Variants in RNF17 observed in about 807,000 individuals in gnomAD.
The protein encoded by RNF17 is ring finger protein 17.
RNF17 carries 31 observed loss-of-function variants against 200.5 expected under a neutral mutation model. The ratio of observed to expected loss-of-function variants is 0.15; its 90% CI spans 0.12 to 0.21. RNF17 has a LOEUF of 0.21. Among genes scored for constraint, RNF17 ranks in the 10% least tolerant of loss-of-function variants. RNF17 has a pLI of 1.00. For missense variants in RNF17, 1,628 were observed against 1,905.1 expected, an observed-to-expected ratio of 0.85 and a Z score of 2.71; for synonymous variants, 606 against 637.8, an observed-to-expected ratio of 0.95 and a Z score of 0.75.
intron 22 of RNF17, among the ~76,000 whole-genome samples, chr13:24,845,326 C>A (rs1891140455): frequency 1.3e-5 from 2 of 152,068 alleles, no homozygotes; most frequent in Admixed American, 6.6e-5. Flanking sequence ...TGAGGAACAA[C>A]AAACACAGAA....
the RNF17 span, among the ~76,000 whole-genome samples, chr13:24,749,399 G>A: frequency 7.0e-6 from 1 of 143,022 alleles, no homozygotes; most frequent in Admixed American, 7.8e-5. Context: ...CCCCTCCCGG[G>A]TTCAAGCAAT....
At chr13:24,764,888 G>GGTGTGTGTGT (rs57755622) in intron 1 of RNF17, among the ~76,000 whole-genome samples, 15 of 134,174 alleles carry the variant, frequency 1.1e-4, no homozygotes, top group Non-Finnish European at 1.8e-4. Context: ...CACCTTGTGG[G>GGTGTGTGTGT]GTGTGTGTGT....
chr13:24,818,286 G>A lies in RNF17; in HGVS notation c.2092-7333G>A, dbSNP rs567741261. On this transcript the variant is annotated intron_variant, in intron 15 of 35. Transcript: ENST00000255324. ...TTGAAATGTATTAAGACATTTTGCA[G>A]CCTAACATATGGTCTATTCTGAGAA... 1.1e-3 allele frequency among the ~76,000 whole-genome samples: 170 copies of A among 152,134 alleles called. 5 individuals carry two copies. The South Asian group carries it at 0.035, about 31-fold the overall frequency.
chr13:24,812,987 C>G (rs1593318678), intron 15 of RNF17, among the ~76,000 whole-genome samples: 2 of 152,054 alleles, frequency 1.3e-5, no homozygotes, highest in South Asian at 4.2e-4. Context: ...CGGCCAATAG[C>G]ATTCTTAATA....
chr13:24,764,280 G>T lies in RNF17; in HGVS notation c.77G>T (p.Gly26Val). The change falls in exon 1 of 36, where the codon GGT becomes GTT. Residue 26 changes from glycine (G) to valine (V), a missense_variant. By Grantham distance (109) the Gly-to-Val change is moderately radical. Transcript: ENST00000255324. The stretch of plus-strand genomic sequence containing the variant: ...ATGGGGAGGAAGAGTCAGCCCTGGG[G>T]TGCCGCTGAAATCCAGTGCACCAGG... ...QRMGRKSQPW[G>V]AAEIQCTRCG... is the part of the protein sequence containing the mutation. The T allele has an allele frequency of 6.2e-7, 1 of 1,611,744 alleles. No individual in the cohort carries two copies. The highest frequency in any genetic ancestry group is 2.2e-5 in the East Asian group (1 of 44,862).
chr13:24,798,006 C>A (rs898036214), intron 11 of RNF17, among the ~76,000 whole-genome samples: 2 of 152,132 alleles, frequency 1.3e-5, no homozygotes, highest in Admixed American at 6.6e-5. Context: ...GTACTCCTTA[C>A]AATTCTCACT....
chr13:24,823,098 G>T (rs1401175982), intron 15 of RNF17, among the ~76,000 whole-genome samples: 3 of 152,064 alleles, frequency 2.0e-5, no homozygotes, highest in African/African-American at 7.2e-5. Flanking sequence ...AAAAAAAACG[G>T]AGTCTGGCTC....
chr13:24,815,726 A>G (rs1887318933), intron 15 of RNF17, among the ~76,000 whole-genome samples: 2 of 152,132 alleles, frequency 1.3e-5, no homozygotes, highest in Admixed American at 6.5e-5. Context: ...GACCTTTACC[A>G]TGTTGAGTAA....
chr13:24,752,268 T>G, the RNF17 span: 12 of 174,190 alleles, frequency 6.9e-5, no homozygotes, highest in East Asian at 1.6e-3. Flanking sequence ...TGTGGCATTT[T>G]CAGTTCACCA....
intron 7 of RNF17, among the ~76,000 whole-genome samples, chr13:24,788,785 A>G (rs1157002108): frequency 2.0e-5 from 3 of 152,102 alleles, no homozygotes; most frequent in Admixed American, 6.6e-5. Context: ...CCCTAAGGGT[A>G]TAGGTTTTGC....
intron 22 of RNF17, among the ~76,000 whole-genome samples, chr13:24,849,558 GCAGT>G (rs1891628978): frequency 6.6e-6 from 1 of 152,200 alleles, no homozygotes; most frequent in Non-Finnish European, 1.5e-5. Flanking sequence ...GGACACCTCT[GCAGT>G]CACTCAGTTT....
At chr13:24,864,629 T>C (rs1893438706) in intron 28 of RNF17, among the ~76,000 whole-genome samples, 1 of 152,208 alleles carries the variant, frequency 6.6e-6, no homozygotes, top group Non-Finnish European at 1.5e-5. Context: ...TAACTAGTTA[T>C]TTTGTGGTAA....
intron 15 of RNF17, among the ~76,000 whole-genome samples, chr13:24,811,974 C>A (rs1886699139): frequency 6.6e-6 from 1 of 151,746 alleles, no homozygotes; most frequent in African/African-American, 2.4e-5. Flanking sequence ...GGTCAGGGAC[C>A]CACTTGAGGA....
At chr13:24,845,491 T>C (rs1166954223) in intron 22 of RNF17, among the ~76,000 whole-genome samples, 2 of 152,190 alleles carry the variant, frequency 1.3e-5, no homozygotes, top group Non-Finnish European at 2.9e-5. Context: ...AACTAAAGAC[T>C]ACACAGCCAA....
intron 15 of RNF17, chr13:24,824,153 C>A (rs1380916840): frequency 4.2e-6 from 3 of 707,698 alleles, no homozygotes; most frequent in East Asian, 5.4e-5. Context: ...GCTTTTACTT[C>A]ATTAGGCTTC....
chr13:24,828,483 G>A (rs1377107512), intron 16 of RNF17, among the ~76,000 whole-genome samples: 1 of 151,854 alleles, frequency 6.6e-6, no homozygotes, highest in African/African-American at 2.4e-5. Flanking sequence ...CTGTTTCGTT[G>A]TTTACTTGTG....
At chr13:24,882,086 CTATATATATAGATACATCTATA>C (rs1953868693), downstream of RNF17, among the ~76,000 whole-genome samples, 1 of 5,678 alleles carries the variant, frequency 1.8e-4, no homozygotes, top group Non-Finnish European at 4.9e-4. Flanking sequence ...ATAGATACAT[CTATATATATAGATACATCTATA>C]TAGATATATA....
chr13:24,799,324 C>T (rs747978855), intron 11 of RNF17, 71 bp from the exon 12 acceptor site: 57 of 1,163,110 alleles, frequency 4.9e-5, no homozygotes, highest in Middle Eastern at 2.7e-4. Flanking sequence ...GTAGAACTAA[C>T]GTGTCTGTAA....
At chr13:24,771,395 A>ATGTTGCCCATT (rs895876567) in intron 2 of RNF17, among the ~76,000 whole-genome samples, 2 of 118,922 alleles carry the variant, frequency 1.7e-5, no homozygotes, top group Non-Finnish European at 3.2e-5. Context: ...GGTCCTTGCT[A>ATGTTGCCCATT]TGTTGCCCAG....
Sources: gnomAD v4.1 joint callset for allele counts (sites outside exome capture counted in the v4.1 genomes callset) on GRCh38, gnomAD v4.1.1 for gene constraint, MANE v1.5 for transcripts, NCBI Gene and HGNC (gene_info 2026-07-23, HGNC 2026-07-21) for gene names.